Variants in APOL2 observed in about 807,000 individuals in gnomAD.
The protein encoded by APOL2 is apolipoprotein L2, also known as apolipoprotein L, 2.
A neutral mutation model predicts 7.1 loss-of-function variants in APOL2; 8 were observed. The observed-to-expected ratio is 1.12, with a 90% CI of 0.66 to 2.03. The LOEUF is 2.03. Among genes scored for constraint, APOL2 ranks in the 30% most tolerant of loss-of-function variants. APOL2 has a pLI of 0.00. For synonymous variants in APOL2, 177 were observed against 159.9 expected, an observed-to-expected ratio of 1.11 and a Z score of -0.81; for missense variants, 471 against 415.1, an observed-to-expected ratio of 1.13 and a Z score of -1.17.
At chr22:36,237,162 C>T in intron 1 of APOL2, 1 of 1,513,754 alleles carries the variant, frequency 6.6e-7, no homozygotes, top group Non-Finnish European at 8.8e-7. Context: ...GGGGTTGAGG[C>T]TGGATACTGC....
At position 36,227,891 on chromosome 22, in the gene APOL2, C is replaced by G; in HGVS notation, c.527G>C (p.Arg176Pro). 1.9e-6 allele frequency: 3 copies of G among 1,614,190 alleles called. No individual in the cohort carries two copies. Among genetic ancestry groups the G allele is most frequent in the African/African-American group, 1.3e-5 (1 of 75,044 alleles). Residue 176 changes from arginine (R) to proline (P), a missense_variant, in exon 5 of 5, where the codon CGG becomes CCG. Coordinates refer to ENST00000358502, the MANE Select transcript of APOL2 (RefSeq NM_030882.4). ...CAAGTTGCGGGCTTGGGCTCGTGCC[C>G]GCAATTTGTTTACTAGTTCTACCAC... ...CSVVELVNKL[R>P]ARAQARNLDQ...
At chr22:36,239,069 C>G (rs1024337913) in intron 1 of APOL2, 1 of 1,105,132 alleles carries the variant, frequency 9.0e-7, no homozygotes, top group Non-Finnish European at 1.1e-6. Flanking sequence ...CTCCAGGTCA[C>G]CTCCCCTCCT....
Position 36,229,234 on chromosome 22 carries a change from G to A in APOL2, c.138-954C>T, listed in dbSNP as rs1019794382. Among the ~76,000 whole-genome samples, 6 of 152,296 alleles carry A rather than the reference G, an allele frequency of 3.9e-5. No individual in the cohort carries two copies. The East Asian group carries it at 5.8e-4, about 15-fold the overall frequency. On this transcript the variant is annotated intron_variant, in intron 4 of 4. Coordinates refer to ENST00000358502, the MANE Select transcript of APOL2 (RefSeq NM_030882.4). ...CTTTGGCGAGAATCCTGTTAGGCCAGTTTAGCAGGAACCCCCCACTCTGGC... is the reference window on the plus strand; with the variant it reads ...CTTTGGCGAGAATCCTGTTAGGCCAATTTAGCAGGAACCCCCCACTCTGGC...
At chr22:36,233,057 C>T (rs1050136739) in intron 3 of APOL2, 96 bp downstream of exon 3, 3 of 1,263,268 alleles carry the variant, frequency 2.4e-6, no homozygotes, top group African/African-American at 1.5e-5. Context: ...CCTCCTAGTC[C>T]ATCTGGGTTC....
At position 36,233,192 on chromosome 22, in the gene APOL2, T is replaced by C. The variant is rs1323330518; in HGVS notation, c.-30A>G. Reference sequence around the variant, plus strand: ...CCAGCGGCTGGGTTACCGAGGGGCTTTCCTTGGAGCTCTCCAGTCACTGTC... The same window carrying C: ...CCAGCGGCTGGGTTACCGAGGGGCTCTCCTTGGAGCTCTCCAGTCACTGTC... On this transcript the variant is annotated 5_prime_UTR_variant, in exon 3 of 5. Coordinates refer to ENST00000358502, the MANE Select transcript of APOL2 (RefSeq NM_030882.4). 6.2e-7 allele frequency: 1 copy of C among 1,614,060 alleles called. No homozygotes were observed. The highest frequency in any genetic ancestry group is 2.2e-5 in the East Asian group (1 of 44,882).
chr22:36,237,322 C>T (rs2015441491), intron 1 of APOL2: 1 of 1,338,706 alleles, frequency 7.5e-7, no homozygotes, highest in Non-Finnish European at 9.6e-7. Flanking sequence ...GACAGGGACT[C>T]TCAGCAAAGC....
In APOL2 at chr22:36,239,416, G is replaced by T. The variant is rs181569578; in HGVS notation, c.-134+25C>A. ...CTATTGCAAGAATAAGGACATGGGG[G>T]TAGATCACACTATCCCCAACTTACC... On this transcript the variant is annotated intron_variant, in intron 1 of 4. Coordinates refer to ENST00000358502, the MANE Select transcript of APOL2 (RefSeq NM_030882.4). 9.9e-5 allele frequency: 151 copies of T among 1,523,392 alleles called. 1 individual carries two copies. The African/African-American group carries it at 1.9e-3, about 20-fold the overall frequency. The allele number at this position is 1,523,392 out of a possible 1,614,324, so 94.4% of individuals were successfully genotyped here.
chr22:36,238,211 C>A (rs1211887664), intron 1 of APOL2, among the ~76,000 whole-genome samples: 1 of 152,226 alleles, frequency 6.6e-6, no homozygotes, highest in African/African-American at 2.4e-5. Context: ...TGGCTGAAAT[C>A]CCAGGTGCAG....
At chr22:36,237,206 C>T (rs1243415856) in intron 1 of APOL2, 1 of 1,411,076 alleles carries the variant, frequency 7.1e-7, no homozygotes, top group Non-Finnish European at 9.3e-7. Flanking sequence ...GTGTGTACTC[C>T]ATGGGTGAGC....
intron 3 of APOL2, among the ~76,000 whole-genome samples, chr22:36,231,951 C>G (rs796215401): frequency 4.6e-5 from 7 of 152,262 alleles, no homozygotes; most frequent in African/African-American, 1.7e-4. Flanking sequence ...TGTGCTTCTG[C>G]TTTGCAGCTG....
In APOL2 at chr22:36,227,615, A is replaced by T. The variant is rs1421714296; in HGVS notation, c.803T>A (p.Met268Lys). Residue 268 changes from methionine to lysine, a missense_variant, in exon 5 of 5, where the codon ATG becomes AAG. Met to Lys is a moderately conservative substitution (Grantham distance 95). Coordinates refer to ENST00000358502, the MANE Select transcript of APOL2 (RefSeq NM_030882.4). ...ACCCACGATCATGGTTCCTCTGCTC[A>T]TTGCCTGGGCGGGGCCTTCAACAAC... ...ERVVEGPAQAMSRGTMIVGAA... is the reference protein window; with the variant it reads ...ERVVEGPAQAKSRGTMIVGAA... 5 of 1,614,192 alleles carry T rather than the reference A, an allele frequency of 3.1e-6. No homozygotes were observed. The highest frequency in any genetic ancestry group is 1.1e-5 in the South Asian group (1 of 91,082).
At position 36,227,297 on chromosome 22, in the gene APOL2, T is replaced by A; in HGVS notation, c.*107A>T. 1 of 1,348,288 alleles carries A rather than the reference T, an allele frequency of 7.4e-7. No individual in the cohort carries two copies. 83.5% of individuals were successfully genotyped at this position (1,348,288 alleles called of 1,614,324 possible). A position where few individuals can be genotyped will look rare whatever the true frequency, so the allele number is the denominator to read the frequency against. ...AGCCACTGCACTCCATCCTGGGCGATAGAGCGAGACTCCATCTCAAAAAAA... is the reference window on the plus strand; with the variant it reads ...AGCCACTGCACTCCATCCTGGGCGAAAGAGCGAGACTCCATCTCAAAAAAA... On this transcript the variant is annotated 3_prime_UTR_variant, in exon 5 of 5. Coordinates refer to ENST00000358502, the MANE Select transcript of APOL2 (RefSeq NM_030882.4).
chr22:36,238,398 A>C (rs901459879), intron 1 of APOL2, among the ~76,000 whole-genome samples: 1 of 152,202 alleles, frequency 6.6e-6, no homozygotes, highest in Admixed American at 6.5e-5. Context: ...CCCTGATTTC[A>C]TGGACTTTTG....
intron 1 of APOL2, chr22:36,237,282 A>C (rs2015439932): frequency 7.4e-7 from 1 of 1,356,946 alleles, no homozygotes; most frequent in Middle Eastern, 1.9e-4. Flanking sequence ...CTCCCACCTC[A>C]GCTCTGAGCC....
At chr22:36,228,698 T>A (rs2015111920) in intron 4 of APOL2, among the ~76,000 whole-genome samples, 1 of 152,178 alleles carries the variant, frequency 6.6e-6, no homozygotes, top group Non-Finnish European at 1.5e-5. Flanking sequence ...AGAGAGGCCT[T>A]CCCTTTGTCC....
chr22:36,234,505 G>A (rs909455951), intron 1 of APOL2, among the ~76,000 whole-genome samples: 4 of 152,192 alleles, frequency 2.6e-5, no homozygotes, highest in African/African-American at 7.2e-5. Context: ...AATAAATGCT[G>A]ATCTTTATAT....
At chr22:36,233,058 A>C in intron 3 of APOL2, 95 bp downstream of exon 3, 1 of 1,286,814 alleles carries the variant, frequency 7.8e-7, no homozygotes, top group South Asian at 1.2e-5. Flanking sequence ...CTCCTAGTCC[A>C]TCTGGGTTCT....
chr22:36,236,199 G>C (rs2015399204), intron 1 of APOL2, among the ~76,000 whole-genome samples: 1 of 152,160 alleles, frequency 6.6e-6, no homozygotes, highest in Admixed American at 6.5e-5. Flanking sequence ...TTAACTTTGA[G>C]AACAGAACAG....
intron 1 of APOL2, among the ~76,000 whole-genome samples, chr22:36,235,904 C>CA (rs1363406370): frequency 6.6e-6 from 1 of 151,932 alleles, no homozygotes; most frequent in Non-Finnish European, 1.5e-5. Flanking sequence ...CACAGTGGGA[C>CA]ATGCAGTAGG....
Sources: allele counts gnomAD v4.1 joint callset (sites outside exome capture counted in the v4.1 genomes callset), GRCh38; gene constraint gnomAD v4.1.1; transcripts MANE v1.5; gene names NCBI Gene and HGNC (gene_info 2026-07-23, HGNC 2026-07-21).